The following TMEM135 variants were observed in gnomAD, a reference collection of about 807,000 sequenced individuals.
The protein encoded by TMEM135 is peroxisomal membrane protein 52.
Under a neutral mutation model 60.3 loss-of-function variants are expected in TMEM135, and 30 were observed. That is an observed-to-expected ratio of 0.50 (90% CI 0.37 to 0.68). The LOEUF (loss-of-function observed/expected upper bound fraction) is 0.68. TMEM135 is among the 30% of genes least tolerant of loss of function. The pLI is 0.00. For missense variants in TMEM135, 468 were observed against 548.8 expected, an observed-to-expected ratio of 0.85 and a Z score of 1.47; for synonymous variants, 190 against 186.7, an observed-to-expected ratio of 1.02 and a Z score of -0.14.
chr11:87,319,102 C>T (rs1942780503), intron 13 of TMEM135: 1 of 539,062 alleles, frequency 1.9e-6, no homozygotes. Context: ...CTCCTGATCT[C>T]AGGTAATCTG....
intron 3 of TMEM135, among the ~76,000 whole-genome samples, chr11:87,082,151 A>G (rs1326684948): frequency 6.6e-6 from 1 of 152,190 alleles, no homozygotes; most frequent in Non-Finnish European, 1.5e-5. Context: ...GAAAAAAATC[A>G]GGTTTTGTAT....
In TMEM135 at chr11:87,319,321, A is replaced by G. The variant is rs1942784032; in HGVS notation, c.1188A>G (p.Glu396=). The G allele has an allele frequency of 6.2e-7, 1 of 1,612,968 alleles. No individual in the cohort carries two copies. The highest frequency in any genetic ancestry group is 1.1e-5 in the South Asian group (1 of 91,062). Residue 396 remains glutamate (E), a synonymous_variant, in exon 14 of 15, where the codon GAA becomes GAG. Transcript: ENST00000305494. ...AATTTAATACTCAGGCTGTCATGGA[A>G]GTTCAGACTTTGAGACCATCTTACT... The part of the protein sequence containing the change: ...TAICFQAAVM[E]VQTLRPSYWK...
intron 6 of TMEM135, among the ~76,000 whole-genome samples, chr11:87,255,499 A>G (rs1314083671): frequency 6.6e-6 from 1 of 152,204 alleles, no homozygotes; most frequent in African/African-American, 2.4e-5. Flanking sequence ...AGAGCTGGGC[A>G]TGGTGGCACA....
At chr11:87,232,909 C>G (rs1053713736) in intron 5 of TMEM135, among the ~76,000 whole-genome samples, 2 of 152,006 alleles carry the variant, frequency 1.3e-5, no homozygotes, top group African/African-American at 4.8e-5. Context: ...CCAGCACTTT[C>G]AGAGGCCAAG....
chr11:87,081,598 C>T (rs1039618436), intron 3 of TMEM135, among the ~76,000 whole-genome samples: 2 of 151,348 alleles, frequency 1.3e-5, no homozygotes, highest in African/African-American at 2.4e-5. Context: ...TAGGGCATAA[C>T]GAGAGGTTTC....
At chr11:87,191,987 C>CTTTTTTTTTTTTTTTTTTTTTTTTT (rs200969171) in intron 5 of TMEM135, among the ~76,000 whole-genome samples, 3 of 77,184 alleles carry the variant, frequency 3.9e-5, no homozygotes, top group African/African-American at 1.2e-4. Context: ...CTTTTCTTTT[C>CTTTTTTTTTTTTTTTTTTTTTTTTT]TTTTTTTTTT....
chr11:87,322,405 T>C lies in TMEM135; in HGVS notation c.*1072T>C. On this transcript the variant is annotated 3_prime_UTR_variant, in exon 15 of 15. Coordinates refer to ENST00000305494, the MANE Select transcript of TMEM135 (RefSeq NM_022918.4). ...CTCCAACCTTCTTCTTGAATATCAT[T>C]GTCACCATTTTTACTGTTAGAATAA... is the stretch of plus-strand genomic sequence containing the variant. The C allele has an allele frequency of 2.2e-6, 1 of 453,984 alleles. No individual in the cohort carries two copies. The highest frequency in any genetic ancestry group is 4.4e-6 in the Non-Finnish European group (1 of 226,740). 28.1% of individuals were successfully genotyped at this position (453,984 alleles called of 1,614,324 possible).
At chr11:87,254,097 T>C (rs2135394468) in intron 6 of TMEM135, among the ~76,000 whole-genome samples, 2 of 152,240 alleles carry the variant, frequency 1.3e-5, no homozygotes, top group East Asian at 3.9e-4. Flanking sequence ...GTAAAAGAAA[T>C]AATTATGATA....
intron 5 of TMEM135, among the ~76,000 whole-genome samples, chr11:87,191,489 C>A (rs921246687): frequency 1.3e-5 from 2 of 152,124 alleles, no homozygotes; most frequent in African/African-American, 4.8e-5. Flanking sequence ...GATCTGCCTG[C>A]CTCGGCCTCC....
At chr11:87,223,475 A>G (rs1940692747) in intron 5 of TMEM135, among the ~76,000 whole-genome samples, 2 of 152,002 alleles carry the variant, frequency 1.3e-5, no homozygotes, top group Non-Finnish European at 2.9e-5. Flanking sequence ...CCGGCCTGAA[A>G]AGCACTTCTA....
intron 5 of TMEM135, 85 bp from the exon 6 acceptor site, chr11:87,236,553 A>G (rs565078053): frequency 4.6e-6 from 5 of 1,096,776 alleles, no homozygotes; most frequent in Admixed American, 3.4e-5. Context: ...CAGGCACAAG[A>G]TTTAATAGTA....
chr11:87,177,153 T>A (rs191015426), intron 5 of TMEM135, among the ~76,000 whole-genome samples: 4 of 152,160 alleles, frequency 2.6e-5, no homozygotes, highest in Admixed American at 6.6e-5. Context: ...ATTGCCCCAA[T>A]TGAAAGCACT....
chr11:87,175,657 G>C (rs937119731), intron 5 of TMEM135, among the ~76,000 whole-genome samples: 4 of 152,114 alleles, frequency 2.6e-5, no homozygotes, highest in Non-Finnish European at 4.4e-5. Context: ...AAATTAGAAG[G>C]GTTCTTAAGA....
chr11:87,041,878 T>C (rs1032080716), intron 1 of TMEM135, among the ~76,000 whole-genome samples: 2 of 152,190 alleles, frequency 1.3e-5, no homozygotes, highest in African/African-American at 2.4e-5. Flanking sequence ...ACCAAGGATA[T>C]TGGGGCAGTA....
chr11:87,046,925 T>C (rs1362812203), intron 1 of TMEM135, among the ~76,000 whole-genome samples: 4 of 152,174 alleles, frequency 2.6e-5, no homozygotes, highest in African/African-American at 9.7e-5. Flanking sequence ...ATTGTGACCT[T>C]GAGCAAGGTT....
chr11:87,205,936 C>T (rs138243025), intron 5 of TMEM135, among the ~76,000 whole-genome samples: 137 of 152,194 alleles, frequency 9.0e-4, no homozygotes, highest in Admixed American at 1.4e-3. Flanking sequence ...CAGAGAACAT[C>T]TTTTTGGCAG....
chr11:87,177,354 CACTG>C (rs1466871467), intron 5 of TMEM135, among the ~76,000 whole-genome samples: 1 of 152,088 alleles, frequency 6.6e-6, no homozygotes, highest in Admixed American at 6.6e-5. Context: ...GTTATTTTTT[CACTG>C]ACTGTTGCAT....
chr11:87,248,108 A>G (rs1941330983), intron 6 of TMEM135, among the ~76,000 whole-genome samples: 1 of 152,058 alleles, frequency 6.6e-6, no homozygotes, highest in South Asian at 2.1e-4. Context: ...TGTTGATGGG[A>G]ACTTATATTG....
chr11:87,112,602 C>CAT (rs1857782535), intron 4 of TMEM135, among the ~76,000 whole-genome samples: 2 of 152,130 alleles, frequency 1.3e-5, no homozygotes, highest in South Asian at 4.1e-4. Context: ...ATCATCTTTA[C>CAT]AATCTTGTAT....
Sources: allele counts gnomAD v4.1 joint callset (sites outside exome capture counted in the v4.1 genomes callset), GRCh38; gene constraint gnomAD v4.1.1; transcripts MANE v1.5; gene names NCBI Gene and HGNC (gene_info 2026-07-23, HGNC 2026-07-21).